ADGRL3: variants seen among roughly 807,000 people sequenced by gnomAD.
ADGRL3 encodes the protein calcium-independent alpha-latrotoxin receptor 3.
In ADGRL3, 62 loss-of-function variants were observed where a neutral mutation model predicts 153.5. That is an observed-to-expected ratio of 0.40 (90% CI 0.33 to 0.50). The LOEUF is 0.50. Among genes scored for constraint, ADGRL3 ranks in the 20% least tolerant of loss-of-function variants. The pLI, the probability that ADGRL3 is intolerant of heterozygous loss-of-function variation, is 0.47. For synonymous variants in ADGRL3, 710 were observed against 672.5 expected, an observed-to-expected ratio of 1.06 and a Z score of -0.86; for missense variants, 1,641 against 1,859.4, an observed-to-expected ratio of 0.88 and a Z score of 2.16.
intron 1 of ADGRL3, among the ~76,000 whole-genome samples, chr4:61,277,153 A>T (rs1305388169): frequency 2.0e-5 from 3 of 152,146 alleles, no homozygotes; most frequent in African/African-American, 7.2e-5. Context: ...CAGGCATCTA[A>T]GTTCAGTTTC....
chr4:61,795,918 C>G (rs530510953), intron 8 of ADGRL3, among the ~76,000 whole-genome samples: 2 of 152,264 alleles, frequency 1.3e-5, no homozygotes, highest in South Asian at 4.1e-4. Context: ...TCTCAGCTCA[C>G]TGCAACCTCT....
chr4:61,417,176 G>T (rs745782878), intron 2 of ADGRL3, among the ~76,000 whole-genome samples: 2 of 152,116 alleles, frequency 1.3e-5, no homozygotes, highest in Admixed American at 6.5e-5. Flanking sequence ...GTGGCCTAGG[G>T]GTTGGGGATC....
intron 21 of ADGRL3, among the ~76,000 whole-genome samples, chr4:62,018,807 G>T (rs768254287): frequency 2.0e-5 from 3 of 152,120 alleles, no homozygotes; most frequent in Non-Finnish European, 4.4e-5. Flanking sequence ...TCAGGCACTG[G>T]GGGCAGTAGG....
At chr4:61,566,976 G>A (rs1168028852) in intron 4 of ADGRL3, among the ~76,000 whole-genome samples, 10 of 151,954 alleles carry the variant, frequency 6.6e-5, no homozygotes, top group East Asian at 1.9e-4. Context: ...ATTATTAATC[G>A]TTTACTTTAC....
chr4:61,586,319 A>G (rs1013383510), intron 4 of ADGRL3, among the ~76,000 whole-genome samples: 1 of 152,044 alleles, frequency 6.6e-6, no homozygotes, highest in Admixed American at 6.6e-5. Context: ...TCCTTGCAGT[A>G]TTATGACACA....
At chr4:61,516,360 C>T (rs921335936) in intron 3 of ADGRL3, among the ~76,000 whole-genome samples, 1 of 70,260 alleles carries the variant, frequency 1.4e-5, no homozygotes, top group East Asian at 9.7e-4. Flanking sequence ...CATGTTATAA[C>T]CTGTTAAAAA....
chr4:62,055,812 G>A (rs1049020063), intron 25 of ADGRL3, among the ~76,000 whole-genome samples: 4 of 151,506 alleles, frequency 2.6e-5, no homozygotes, highest in Non-Finnish European at 4.4e-5. Flanking sequence ...ACACCAAAAA[G>A]CTAAAAATAG....
At chr4:61,890,484 C>T (rs545136528) in intron 9 of ADGRL3, among the ~76,000 whole-genome samples, 11 of 152,110 alleles carry the variant, frequency 7.2e-5, no homozygotes, top group African/African-American at 2.7e-4. Context: ...GCTGCATCAT[C>T]CCATGGCAGA....
intron 9 of ADGRL3, among the ~76,000 whole-genome samples, chr4:61,846,212 G>A (rs2098114636): frequency 6.6e-6 from 1 of 151,818 alleles, no homozygotes; most frequent in Non-Finnish European, 1.5e-5. Context: ...AGCTACTTGG[G>A]GGGCTGAGGC....
At chr4:61,917,865 C>T (rs1182708254) in intron 13 of ADGRL3, among the ~76,000 whole-genome samples, 3 of 152,134 alleles carry the variant, frequency 2.0e-5, no homozygotes, top group African/African-American at 7.2e-5. Context: ...GCAACAGGAA[C>T]AGAGTGAAAA....
intron 23 of ADGRL3, among the ~76,000 whole-genome samples, chr4:62,034,902 T>C (rs1379591570): frequency 6.6e-6 from 1 of 151,844 alleles, no homozygotes; most frequent in Non-Finnish European, 1.5e-5. Context: ...ATGAGAAATA[T>C]CAGAAATATT....
intron 8 of ADGRL3, among the ~76,000 whole-genome samples, chr4:61,777,553 T>G (rs911300435): frequency 1.3e-5 from 2 of 152,164 alleles, no homozygotes; most frequent in Admixed American, 1.3e-4. Context: ...AAGATTAATC[T>G]AATAATTCAC....
chr4:61,701,132 A>G (rs1425599663), intron 6 of ADGRL3, among the ~76,000 whole-genome samples: 11 of 152,170 alleles, frequency 7.2e-5, no homozygotes. Flanking sequence ...GGTAGAGAAC[A>G]AAAAGTTGTA....
At chr4:61,761,317 A>G (rs1055099896) in intron 8 of ADGRL3, among the ~76,000 whole-genome samples, 1 of 152,210 alleles carries the variant, frequency 6.6e-6, no homozygotes, top group African/African-American at 2.4e-5. Context: ...TTTAAATTAT[A>G]AACTAAGTTC....
intron 4 of ADGRL3, among the ~76,000 whole-genome samples, chr4:61,579,953 G>C (rs909927028): frequency 6.6e-6 from 1 of 151,978 alleles, no homozygotes; most frequent in Non-Finnish European, 1.5e-5. Context: ...CAAGTGTTTT[G>C]GATTAGATTT....
chr4:61,835,083 C>T (rs2097916240), intron 9 of ADGRL3, among the ~76,000 whole-genome samples: 1 of 152,066 alleles, frequency 6.6e-6, no homozygotes, highest in South Asian at 2.1e-4. Context: ...TAAAAGCTTT[C>T]CCATAATTCA....
chr4:61,366,050 T>C (rs1298696766), intron 1 of ADGRL3, among the ~76,000 whole-genome samples: 1 of 152,162 alleles, frequency 6.6e-6, no homozygotes, highest in Non-Finnish European at 1.5e-5. Context: ...CAAAGATAAA[T>C]GTTTAGGTAT....
At chr4:61,222,008 C>A (rs1455816386) in intron 1 of ADGRL3, among the ~76,000 whole-genome samples, 1 of 151,998 alleles carries the variant, frequency 6.6e-6, no homozygotes, top group Non-Finnish European at 1.5e-5. Flanking sequence ...CCATCATAAC[C>A]ATAATTGCAG....
chr4:61,346,042 T>C (rs1364117032), intron 1 of ADGRL3, among the ~76,000 whole-genome samples: 1 of 152,154 alleles, frequency 6.6e-6, no homozygotes, highest in African/African-American at 2.4e-5. Flanking sequence ...GCTCCTGCGC[T>C]CACGGCATGT....
Sources: allele counts gnomAD v4.1 joint callset (sites outside exome capture counted in the v4.1 genomes callset), GRCh38; gene constraint gnomAD v4.1.1; transcripts MANE v1.5; gene names NCBI Gene and HGNC (gene_info 2026-07-23, HGNC 2026-07-21).